The following EPHB2 variants were observed in gnomAD, a reference collection of about 807,000 sequenced individuals.
EPHB2 encodes the protein ephrin type-B receptor 2.
EPHB2 carries 18 observed loss-of-function variants against 96.4 expected under a neutral mutation model. The observed-to-expected ratio is 0.19, with a 90% CI of 0.13 to 0.28. The LOEUF (loss-of-function observed/expected upper bound fraction) is 0.28, where lower values mean the gene tolerates loss of function less well. Ranked by LOEUF, EPHB2 falls within the 10% of genes least tolerant of loss-of-function variation. The pLI is 1.00. For synonymous variants in EPHB2, 506 were observed against 534.1 expected (o/e 0.95, Z 0.72); for missense variants, 989 against 1,355.4 (o/e 0.73, Z 4.25).
rs557921634 is a variant in EPHB2 at position 22,875,444 on chromosome 1, G to A, written c.1304-6915G>A. Among the ~76,000 whole-genome samples the A allele has an allele frequency of 6.6e-6, 1 of 152,300 alleles. No homozygotes were observed. The highest frequency in any genetic ancestry group is 1.9e-4 in the East Asian group (1 of 5,184). On this transcript the variant is annotated intron_variant, in intron 5 of 15. Coordinates refer to ENST00000374630, the MANE Select transcript of EPHB2 (RefSeq NM_017449.5). The surrounding 1 kb of genome is among the most constrained non-coding windows in gnomAD (Gnocchi z 4.2). ...ACTGCAGCAGTTCCCAACTGTGGGT[G>A]GGCACAGGGCCTGGGGGAGAGGGAA...
intron 3 of EPHB2, among the ~76,000 whole-genome samples, chr1:22,825,464 C>T (rs1374008287): frequency 6.6e-6 from 1 of 152,144 alleles, no homozygotes; most frequent in African/African-American, 2.4e-5. Context: ...AGCACTGGTC[C>T]AGGACTCAGG....
chr1:22,830,829 A>T (rs138583347), intron 3 of EPHB2, among the ~76,000 whole-genome samples: 2 of 152,214 alleles, frequency 1.3e-5, no homozygotes, highest in African/African-American at 4.8e-5. Context: ...TCCTAGAATT[A>T]CAGGCATGAG....
chr1:22,798,364 G>T (rs1428128411), intron 3 of EPHB2, among the ~76,000 whole-genome samples: 1 of 152,194 alleles, frequency 6.6e-6, no homozygotes, highest in Non-Finnish European at 1.5e-5. Context: ...TCTAAGCACG[G>T]ATGGAGACTC....
chr1:22,881,245 A>G (rs1639033883), intron 5 of EPHB2, among the ~76,000 whole-genome samples: 1 of 152,170 alleles, frequency 6.6e-6, no homozygotes, highest in African/African-American at 2.4e-5. Flanking sequence ...CTAAAAATAC[A>G]AAATTAACCA....
chr1:22,798,634 C>T (rs1644800384), intron 3 of EPHB2, among the ~76,000 whole-genome samples: 1 of 152,068 alleles, frequency 6.6e-6, no homozygotes, highest in Non-Finnish European at 1.5e-5. Flanking sequence ...TCTGTGCAGA[C>T]CCGGAATTGG....
In EPHB2 at chr1:22,860,055, G is replaced by A. The variant is rs145187262; in HGVS notation, c.812-2982G>A. Among the ~76,000 whole-genome samples the A allele has an allele frequency of 3.0e-4, 46 of 152,282 alleles. No individual in the cohort carries two copies. Among genetic ancestry groups the A allele is most frequent in the African/African-American group, 1.1e-3 (46 of 41,556 alleles). On this transcript the variant is annotated intron_variant, in intron 3 of 15. Transcript: ENST00000374630. This position sits in a 1 kb window ranked among gnomAD's most constrained non-coding sequence, Gnocchi z 4.6. ...ATGGCTGGCTTCTTTCACTGAGCAC[G>A]ATGTGTCCAGGGTTCACCTGTACCG...
At chr1:22,815,449 C>T (rs538375237) in intron 3 of EPHB2, among the ~76,000 whole-genome samples, 39 of 152,336 alleles carry the variant, frequency 2.6e-4, no homozygotes, top group Admixed American at 1.9e-3. Flanking sequence ...ACCCTGGCTC[C>T]GAGTTCAGTG....
chr1:22,842,515 C>T (rs1645484753), intron 3 of EPHB2, among the ~76,000 whole-genome samples: 1 of 152,136 alleles, frequency 6.6e-6, no homozygotes, highest in African/African-American at 2.4e-5. Flanking sequence ...CCTGTGCCCC[C>T]ATAGCCCATT....
Position 22,733,764 on chromosome 1 carries a change from C to T in EPHB2, c.61+22721C>T, listed in dbSNP as rs988382518. ...GCTCATGACACGCTACTACATCAGGCTGGTATGATTTGGTGGGGACAGAGC... is the reference window on the plus strand; with the variant it reads ...GCTCATGACACGCTACTACATCAGGTTGGTATGATTTGGTGGGGACAGAGC... On this transcript the variant is annotated intron_variant, in intron 1 of 15. Transcript: ENST00000374630. This position sits in a 1 kb window ranked among gnomAD's most constrained non-coding sequence, Gnocchi z 4.6. 6.6e-6 allele frequency among the ~76,000 whole-genome samples: 1 copy of T among 152,164 alleles called. No individual in the cohort carries two copies. The highest frequency in any genetic ancestry group is 2.4e-5 in the African/African-American group (1 of 41,456).
At chr1:22,760,082 T>C (rs1644213796) in intron 1 of EPHB2, among the ~76,000 whole-genome samples, 1 of 152,036 alleles carries the variant, frequency 6.6e-6, no homozygotes, top group Non-Finnish European at 1.5e-5. Flanking sequence ...ATAACACAAG[T>C]CACCCATTTT....
At position 22,819,929 on chromosome 1, in the gene EPHB2, C is replaced by T. The variant is rs569804358; in HGVS notation, c.811+34853C>T. On this transcript the variant is annotated intron_variant, in intron 3 of 15. Transcript: ENST00000374630. ...GCATGACTTTCTTCTCTGGAAGAGC[C>T]GAGACCAGCCTGGTCATACCCACAC... Among the ~76,000 whole-genome samples the T allele has an allele frequency of 2.0e-3, 310 of 152,010 alleles. 1 individual carries two copies. Among genetic ancestry groups the T allele is most frequent in the Middle Eastern group, 0.017 (5 of 294 alleles).
chr1:22,901,013 C>A (rs1345732490), intron 9 of EPHB2, among the ~76,000 whole-genome samples: 1 of 152,224 alleles, frequency 6.6e-6, no homozygotes, highest in Non-Finnish European at 1.5e-5. Flanking sequence ...TATTCTGCCA[C>A]TGGCCAGCTG....
chr1:22,899,330 C>T (rs1639674585), intron 9 of EPHB2, among the ~76,000 whole-genome samples: 1 of 151,480 alleles, frequency 6.6e-6, no homozygotes, highest in East Asian at 1.9e-4. Context: ...GGTGAAACCC[C>T]ATCTCTACTA....
chr1:22,783,442 A>G (rs1644563242), intron 2 of EPHB2, among the ~76,000 whole-genome samples: 1 of 152,182 alleles, frequency 6.6e-6, no homozygotes. Context: ...TCCCACTGAC[A>G]CTGGCCCAAG....
At position 22,882,429 on chromosome 1, in the gene EPHB2, G is replaced by C. The variant is rs1327890307; in HGVS notation, c.1374G>C (p.Gln458His). 6.2e-7 allele frequency: 1 copy of C among 1,614,238 alleles called. No homozygotes were observed. The highest frequency in any genetic ancestry group is 1.1e-5 in the South Asian group (1 of 91,086). ...TVDSITLSWS[Q>H]PDQPNGVILD... is the part of the protein sequence containing the mutation. ...ACAGCATTACCCTGTCGTGGTCCCA[G>C]CCGGACCAGCCCAATGGCGTGATCC... The change falls in exon 6 of 16, where the codon CAG (glutamine) becomes CAC (histidine). Residue 458 changes from glutamine (Q) to histidine (H), a missense_variant. By Grantham distance (24) the Gln-to-His change is conservative. Transcript: ENST00000374630.
At position 22,784,587 on chromosome 1, in the gene EPHB2, A is replaced by G; in HGVS notation, c.322A>G (p.Lys108Glu). The G allele has an allele frequency of 6.2e-7, 1 of 1,614,184 alleles. No individual in the cohort carries two copies. The highest frequency in any genetic ancestry group is 2.2e-5 in the East Asian group (1 of 44,886). Residue 108 changes from lysine (K) to glutamate (E), a missense_variant, in exon 3 of 16, where the codon AAG becomes GAG. By Grantham distance (56) the Lys-to-Glu change is moderately conservative. Transcript: ENST00000374630. This position sits in a 1 kb window ranked among gnomAD's most constrained non-coding sequence, Gnocchi z 5.1. ...SSIPSVPGSC[K>E]ETFNLYYYEA... ...CATCCCCAGCGTGCCTGGCTCCTGCAAGGAGACCTTCAACCTCTATTACTA... is the reference window on the plus strand; with the variant it reads ...CATCCCCAGCGTGCCTGGCTCCTGCGAGGAGACCTTCAACCTCTATTACTA...
chr1:22,803,616 AATATATAT>A (rs367647741), intron 3 of EPHB2, among the ~76,000 whole-genome samples: 2 of 114,336 alleles, frequency 1.7e-5, no homozygotes, highest in African/African-American at 9.7e-5. Context: ...AAAAAAAAAT[AATATATAT>A]ATATATGTGT....
intron 1 of EPHB2, among the ~76,000 whole-genome samples, chr1:22,727,414 GC>G (rs1162874996): frequency 6.6e-6 from 1 of 152,216 alleles, no homozygotes; most frequent in Non-Finnish European, 1.5e-5. Flanking sequence ...CTCCCAGGGG[GC>G]TCCTCCGCAT....
chr1:22,762,247 A>C (rs1249316407), intron 1 of EPHB2, among the ~76,000 whole-genome samples: 1 of 152,202 alleles, frequency 6.6e-6, no homozygotes, highest in Admixed American at 6.5e-5. Flanking sequence ...AGCTCCCAGC[A>C]GCTGGTGTCC....
Sources: gnomAD v4.1 joint callset for allele counts (sites outside exome capture counted in the v4.1 genomes callset) on GRCh38, gnomAD v4.1.1 for gene constraint, Gnocchi (gnomAD v3.1) non-coding constraint, MANE v1.5 for transcripts, NCBI Gene and HGNC (gene_info 2026-07-23, HGNC 2026-07-21) for gene names.